Variants in COL21A1 observed in about 807,000 individuals in gnomAD.
COL21A1 encodes the protein collagen alpha-1(XXI) chain.
Under a neutral mutation model 137.9 loss-of-function variants are expected in COL21A1, and 149 were observed. The ratio of observed to expected loss-of-function variants is 1.08; its 90% CI spans 0.95 to 1.24. The LOEUF (loss-of-function observed/expected upper bound fraction) is 1.24. Among genes scored for constraint, COL21A1 ranks in the 50% most tolerant of loss-of-function variants. The probability of loss-of-function intolerance (pLI) is 0.00; values close to 1 mark genes in which losing one functional copy is unlikely to be tolerated. For synonymous variants in COL21A1, 456 were observed against 391.5 expected (o/e 1.16, Z -1.95); for missense variants, 1,167 against 1,158.4 (o/e 1.01, Z -0.11).
At chr6:56,216,702 C>G (rs1181833108) in intron 1 of COL21A1, among the ~76,000 whole-genome samples, 1 of 152,040 alleles carries the variant, frequency 6.6e-6, no homozygotes, top group Admixed American at 6.6e-5. Flanking sequence ...CTCTAACCAC[C>G]TGTAGAATAT....
chr6:56,359,243 C>T (rs954381167), intron 1 of COL21A1, among the ~76,000 whole-genome samples: 1 of 152,156 alleles, frequency 6.6e-6, no homozygotes. Context: ...AACAAGAATG[C>T]TTCAAGTTAG....
chr6:56,239,473 A>G (rs1471453542), intron 1 of COL21A1, among the ~76,000 whole-genome samples: 2 of 152,200 alleles, frequency 1.3e-5, no homozygotes, highest in Non-Finnish European at 2.9e-5. Flanking sequence ...AACTGTTAAC[A>G]TTTTGGGAAA....
chr6:56,383,475 T>C (rs2094012201), intron 1 of COL21A1, among the ~76,000 whole-genome samples: 1 of 152,224 alleles, frequency 6.6e-6, no homozygotes, highest in Admixed American at 6.5e-5. Flanking sequence ...ACAGTGTTGA[T>C]GTCTGTTAAT....
intron 1 of COL21A1, among the ~76,000 whole-genome samples, chr6:56,274,377 C>T (rs72877989): frequency 0.012 from 1,838 of 152,154 alleles, 16 homozygotes; most frequent in South Asian, 0.022. Context: ...AGCAATAAGG[C>T]AATAGAAAGA....
intron 1 of COL21A1, among the ~76,000 whole-genome samples, chr6:56,275,393 A>G (rs1763618952): frequency 6.6e-6 from 1 of 152,358 alleles, no homozygotes; most frequent in African/African-American, 2.4e-5. Context: ...GCTTCTGCAC[A>G]GCAAAATAAA....
chr6:56,195,393 T>G (rs879690806), intron 1 of COL21A1, among the ~76,000 whole-genome samples: 13 of 152,012 alleles, frequency 8.6e-5, no homozygotes, highest in Non-Finnish European at 1.5e-4. Context: ...ATCTCCCTGG[T>G]TTTAAGAATC....
chr6:56,115,749 GT>G (rs967438716), intron 16 of COL21A1, among the ~76,000 whole-genome samples: 3 of 152,088 alleles, frequency 2.0e-5, no homozygotes, highest in African/African-American at 7.2e-5. Context: ...AAATAGGTGT[GT>G]TGAGAAAACT....
At position 56,060,019 on chromosome 6, in the gene COL21A1, T is replaced by A; in HGVS notation, c.2607A>T (p.Lys869Asn). 6.3e-7 allele frequency: 1 copy of A among 1,594,470 alleles called. No homozygotes were observed. Among genetic ancestry groups the A allele is most frequent in the South Asian group, 1.1e-5 (1 of 87,468 alleles). ...TTCTTGTTGAAACTAACTGCATACC[T>A]TTTAATCCTCTGACACCTGGACGTC... Reference protein sequence around the residue: ...VPGRPGVRGLKGLPGRNGEKG... With the variant: ...VPGRPGVRGLNGLPGRNGEKG... The change falls in exon 28 of 30, where the codon AAA becomes AAT. Residue 869 changes from lysine to asparagine, a missense_variant and splice_region_variant. Coordinates refer to ENST00000244728, the MANE Select transcript of COL21A1 (RefSeq NM_030820.4).
chr6:56,105,426 T>C (rs1187568923), intron 16 of COL21A1, among the ~76,000 whole-genome samples: 2 of 152,228 alleles, frequency 1.3e-5, no homozygotes, highest in East Asian at 1.9e-4. Flanking sequence ...TTTCAAATAA[T>C]ATATGTTATT....
At chr6:56,175,077 T>C (rs1777354353) in intron 3 of COL21A1, among the ~76,000 whole-genome samples, 1 of 151,998 alleles carries the variant, frequency 6.6e-6, no homozygotes, top group African/African-American at 2.4e-5. Flanking sequence ...AGAAAAATAA[T>C]TGACAAAAAT....
At chr6:56,240,461 T>G (rs983907077) in intron 1 of COL21A1, among the ~76,000 whole-genome samples, 3 of 152,218 alleles carry the variant, frequency 2.0e-5, no homozygotes, top group African/African-American at 7.2e-5. Context: ...CAGTCTCAAG[T>G]ATTTTGTTAT....
At chr6:56,242,638 A>C (rs2152325760) in intron 1 of COL21A1, among the ~76,000 whole-genome samples, 1 of 152,316 alleles carries the variant, frequency 6.6e-6, no homozygotes, top group Non-Finnish European at 1.5e-5. Flanking sequence ...TGAAATTTTC[A>C]AAGATTTATC....
chr6:56,149,830 C>T (rs1775144768), intron 10 of COL21A1, among the ~76,000 whole-genome samples: 1 of 152,176 alleles, frequency 6.6e-6, no homozygotes. Context: ...TTACAAGAGC[C>T]TCCTGACTTC....
At chr6:56,097,384 T>C (rs1482385606) in intron 17 of COL21A1, among the ~76,000 whole-genome samples, 4 of 152,128 alleles carry the variant, frequency 2.6e-5, no homozygotes, top group Admixed American at 1.3e-4. Context: ...TCTATCTTTT[T>C]GAACTTGGTA....
chr6:56,315,663 T>TCCTCTCCCTCTTCCTTCCG (rs1764715014), intron 1 of COL21A1, among the ~76,000 whole-genome samples: 1 of 151,658 alleles, frequency 6.6e-6, no homozygotes. Context: ...TCTTCCTTCC[T>TCCTCTCCCTCTTCCTTCCG]CCTCTCCCTC....
rs1383024302 is a variant in COL21A1 at position 56,389,012 on chromosome 6, G to A, written c.-39+4959C>T. The stretch of plus-strand genomic sequence containing the variant: ...AAAAACGTGTCAGAGTCTCCCAAGA[G>A]CAGAATTGATCAAGCAGAAAAAATA... On this transcript the variant is annotated intron_variant, in intron 1 of 28. Transcript: ENST00000370819. Among the ~76,000 whole-genome samples, 20 of 152,154 alleles carry A rather than the reference G, an allele frequency of 1.3e-4. 1 individual carries two copies. Among genetic ancestry groups the A allele is most frequent in the Admixed American group, 1.3e-3 (20 of 15,272 alleles).
intron 1 of COL21A1, among the ~76,000 whole-genome samples, chr6:56,301,105 G>C (rs1764269259): frequency 6.6e-6 from 1 of 152,046 alleles, no homozygotes. Context: ...GCAGAATAAT[G>C]GTTTCCCAAA....
At chr6:56,268,228 G>T (rs1396615672) in intron 1 of COL21A1, among the ~76,000 whole-genome samples, 2 of 152,188 alleles carry the variant, frequency 1.3e-5, no homozygotes, top group African/African-American at 4.8e-5. Flanking sequence ...CCATTCATAG[G>T]TCCAGTCCAG....
At chr6:56,113,288 C>T (rs949043822) in intron 16 of COL21A1, among the ~76,000 whole-genome samples, 24 of 152,136 alleles carry the variant, frequency 1.6e-4, no homozygotes, top group African/African-American at 5.6e-4. Flanking sequence ...AAAAGAGACC[C>T]CTTCCTTCTA....
Sources: allele counts gnomAD v4.1 joint callset (sites outside exome capture counted in the v4.1 genomes callset), GRCh38; gene constraint gnomAD v4.1.1; transcripts MANE v1.5; gene names NCBI Gene and HGNC (gene_info 2026-07-23, HGNC 2026-07-21).